HTR2C: variants seen among roughly 807,000 people sequenced by gnomAD.
HTR2C encodes 5-hydroxytryptamine (serotonin) receptor 2C, G protein-coupled.
A neutral mutation model predicts 21.0 loss-of-function variants in HTR2C; 5 were observed. That is an observed-to-expected ratio of 0.24 (90% CI 0.12 to 0.50). The LOEUF (loss-of-function observed/expected upper bound fraction) is 0.50, where lower values mean the gene tolerates loss of function less well. Ranked by LOEUF, HTR2C falls within the 20% of genes least tolerant of loss-of-function variation. HTR2C has a pLI of 0.98. For synonymous variants in HTR2C, 150 were observed against 145.3 expected, an observed-to-expected ratio of 1.03 and a Z score of -0.23; for missense variants, 271 against 371.2, an observed-to-expected ratio of 0.73 and a Z score of 2.22.
intron 2 of HTR2C, chrX:114,651,682 A>G (rs782536089): frequency 1.6e-5 from 2 of 124,610 alleles, no homozygotes; most frequent in African/African-American, 6.5e-5. Context: ...TACTTCATGT[A>G]GATTTTTTTA....
At chrX:114,857,031 C>T (rs782118811) in intron 5 of HTR2C, among the ~76,000 whole-genome samples, 12 of 111,315 alleles carry the variant, frequency 1.1e-4, no homozygotes, top group African/African-American at 2.0e-4. Flanking sequence ...ACTAAGTTTC[C>T]GGTGCTAGCT....
At chrX:114,640,125 A>G (rs1930038228) in intron 2 of HTR2C, among the ~76,000 whole-genome samples, 1 of 111,753 alleles carries the variant, frequency 8.9e-6, no homozygotes, top group South Asian at 3.7e-4. Flanking sequence ...TACTTAATAT[A>G]TGAAAGGTAT....
intron 1 of HTR2C, among the ~76,000 whole-genome samples, chrX:114,606,965 G>A (rs1385697132): frequency 9.2e-6 from 1 of 108,754 alleles, no homozygotes; most frequent in Non-Finnish European, 1.9e-5. Flanking sequence ...AGTCAAAGGG[G>A]GTTTGTTCTC....
intron 5 of HTR2C, among the ~76,000 whole-genome samples, chrX:114,886,706 A>G (rs1319616203): frequency 9.1e-6 from 1 of 109,986 alleles, no homozygotes; most frequent in East Asian, 2.8e-4. Context: ...GCACAATAAT[A>G]TATCATTATA....
At chrX:114,812,990 T>A (rs1436365682) in intron 4 of HTR2C, among the ~76,000 whole-genome samples, 1 of 111,734 alleles carries the variant, frequency 8.9e-6, no homozygotes, top group South Asian at 3.7e-4. Context: ...TTACGATTAA[T>A]TTTTAAAAAT....
At chrX:114,756,246 T>C (rs1486051675) in intron 4 of HTR2C, among the ~76,000 whole-genome samples, 3 of 111,991 alleles carry the variant, frequency 2.7e-5, no homozygotes, top group Non-Finnish European at 5.6e-5. Flanking sequence ...ACATTGCTGG[T>C]GGGAATGTAA....
intron 4 of HTR2C, among the ~76,000 whole-genome samples, chrX:114,738,377 A>G (rs781920291): frequency 8.9e-6 from 1 of 111,878 alleles, no homozygotes; most frequent in South Asian, 3.7e-4. Context: ...ATCACAATAT[A>G]CACCATAAAT....
intron 4 of HTR2C, among the ~76,000 whole-genome samples, chrX:114,768,974 C>T (rs1556436179): frequency 9.0e-6 from 1 of 110,508 alleles, no homozygotes; most frequent in Non-Finnish European, 1.9e-5. Flanking sequence ...CATCATATGA[C>T]ACTTCTAGCT....
chrX:114,757,352 A>G (rs971494582), intron 4 of HTR2C, among the ~76,000 whole-genome samples: 61 of 111,589 alleles, frequency 5.5e-4, no homozygotes, highest in Non-Finnish European at 1.5e-4. Flanking sequence ...CACATCTCAC[A>G]TATTTTCAAT....
intron 2 of HTR2C, among the ~76,000 whole-genome samples, chrX:114,645,092 A>G (rs1198230518): frequency 9.0e-6 from 1 of 110,996 alleles, no homozygotes; most frequent in Admixed American, 9.7e-5. Context: ...TCATACCTCT[A>G]TTGTTTGAGG....
At position 114,584,507 on chromosome X, in the gene HTR2C, C is replaced by G. The variant is rs201041277; in HGVS notation, c.-299C>G. 8.8e-6 allele frequency: 1 copy of G among 113,090 alleles called. No homozygotes were observed. Among genetic ancestry groups the G allele is most frequent in the Non-Finnish European group, 1.9e-5 (1 of 53,336 alleles). 9.3% of individuals were successfully genotyped at this position (113,090 alleles called of 1,213,427 possible). On this transcript the variant is annotated 5_prime_UTR_variant, in exon 1 of 6. Coordinates refer to ENST00000276198, the MANE Select transcript of HTR2C (RefSeq NM_000868.4). ...CGCGCCGAGCTCCCTCCATTCCTCT[C>G]CCTCCGCCGAGGCGCGAGGTTGCGG...
At chrX:114,795,591 A>G (rs1320855575) in intron 4 of HTR2C, among the ~76,000 whole-genome samples, 1 of 111,656 alleles carries the variant, frequency 9.0e-6, no homozygotes, top group East Asian at 2.8e-4. Context: ...ATGGCTAGCC[A>G]GTTTTCCCAG....
intron 4 of HTR2C, among the ~76,000 whole-genome samples, chrX:114,807,146 A>ACG (rs2070471946): frequency 2.9e-5 from 1 of 33,949 alleles, no homozygotes; most frequent in Non-Finnish European, 4.7e-5. Flanking sequence ...TATATACCAT[A>ACG]TATACACCAT....
chrX:114,682,986 T>C (rs1290865268), intron 2 of HTR2C, among the ~76,000 whole-genome samples: 2 of 111,744 alleles, frequency 1.8e-5, no homozygotes, highest in Non-Finnish European at 3.8e-5. Flanking sequence ...GTACCCATAT[T>C]GATAATACCA....
At chrX:114,768,782 G>A (rs782543148) in intron 4 of HTR2C, among the ~76,000 whole-genome samples, 2 of 111,416 alleles carry the variant, frequency 1.8e-5, no homozygotes, top group East Asian at 5.6e-4. Context: ...TCATAATATT[G>A]TTTACACATA....
intron 4 of HTR2C, among the ~76,000 whole-genome samples, chrX:114,794,880 G>A (rs1236618562): frequency 9.1e-6 from 1 of 109,694 alleles, no homozygotes; most frequent in East Asian, 2.9e-4. Context: ...ATAGTCCTTT[G>A]GGTATATACC....
chrX:114,860,440 T>G (rs1556472577), intron 5 of HTR2C, among the ~76,000 whole-genome samples: 1 of 110,923 alleles, frequency 9.0e-6, no homozygotes, highest in Non-Finnish European at 1.9e-5. Context: ...AGTTAGTGTT[T>G]CCATAGCATA....
At chrX:114,679,644 A>C (rs782589716) in intron 2 of HTR2C, among the ~76,000 whole-genome samples, 4 of 111,847 alleles carry the variant, frequency 3.6e-5, no homozygotes, top group African/African-American at 9.7e-5. Context: ...ATCACACTCA[A>C]CTGGAATGTA....
At chrX:114,599,703 C>T (rs1018262504) in intron 1 of HTR2C, among the ~76,000 whole-genome samples, 14 of 112,126 alleles carry the variant, frequency 1.2e-4, no homozygotes, top group African/African-American at 3.9e-4. Flanking sequence ...GATTCATTTG[C>T]ATGTGTGCCT....
Sources: gnomAD v4.1 joint callset for allele counts (sites outside exome capture counted in the v4.1 genomes callset) on GRCh38, gnomAD v4.1.1 for gene constraint, MANE v1.5 for transcripts, NCBI Gene and HGNC (gene_info 2026-07-23, HGNC 2026-07-21) for gene names.